ANKRD13A: variants seen among roughly 807,000 people sequenced by gnomAD.
ANKRD13A encodes the protein ankyrin repeat domain-containing protein 13A.
In ANKRD13A, 48 loss-of-function variants were observed where a neutral mutation model predicts 81.3. The observed-to-expected ratio is 0.59, with a 90% CI of 0.47 to 0.75. ANKRD13A has a LOEUF of 0.75. Among genes scored for constraint, ANKRD13A ranks in the 30% least tolerant of loss-of-function variants. The pLI is 0.00. For synonymous variants in ANKRD13A, 230 were observed against 270.1 expected, an observed-to-expected ratio of 0.85 and a Z score of 1.45; for missense variants, 612 against 734.0, an observed-to-expected ratio of 0.83 and a Z score of 1.92.
intron 9 of ANKRD13A, 63 bp from the exon 10 acceptor site, chr12:110,028,449 C>A (rs1293366183): frequency 1.3e-6 from 2 of 1,596,898 alleles, no homozygotes; most frequent in Non-Finnish European, 1.7e-6. Context: ...CACTGAGTGC[C>A]ACAGGCCTTC....
chr12:110,018,360 G>C lies in ANKRD13A; in HGVS notation c.416G>C (p.Arg139Thr). ...EFTSWVPLVS[R>T]ICPNDVCRIW... ...TCTCCTCCAGTGCCCTTGGTTTCTA[G>C]AATATGCCCAAATGATGTCTGTCGC... is the stretch of plus-strand genomic sequence containing the variant. Residue 139 changes from arginine to threonine, a missense_variant, in exon 5 of 15, where the codon AGA becomes ACA. By Grantham distance (71) the Arg-to-Thr change is moderately conservative. Coordinates refer to ENST00000261739, the MANE Select transcript of ANKRD13A (RefSeq NM_033121.2). The surrounding 1 kb of genome is among the most constrained non-coding windows in gnomAD (Gnocchi z 4.4). 1 of 1,614,050 alleles carries C rather than the reference G, an allele frequency of 6.2e-7. No individual in the cohort carries two copies.
chr12:110,021,820 T>G (rs1360870620), intron 6 of ANKRD13A: 1 of 152,222 alleles, frequency 6.6e-6, no homozygotes, highest in Non-Finnish European at 1.5e-5. Flanking sequence ...TGATGAATTT[T>G]TGGCCTGCAG....
At position 110,013,170 on chromosome 12, in the gene ANKRD13A, C is replaced by T. The variant is rs1265970273; in HGVS notation, c.275C>T (p.Thr92Ile). 34 of 1,614,178 alleles carry T rather than the reference C, an allele frequency of 2.1e-5. No individual in the cohort carries two copies. The highest frequency in any genetic ancestry group is 1.9e-5 in the Non-Finnish European group (22 of 1,180,000). Residue 92 changes from threonine (T) to isoleucine (I), a missense_variant, in exon 3 of 15, where the codon ACA becomes ATA. By Grantham distance (89) the Thr-to-Ile change is moderately conservative. Coordinates refer to ENST00000261739, the MANE Select transcript of ANKRD13A (RefSeq NM_033121.2). The stretch of plus-strand genomic sequence containing the variant: ...ACTGGCGATCCTGAGATGGTGTACA[C>T]AGTTCTCCAACATCGAGACTACCAC... ...VSTGDPEMVY[T>I]VLQHRDYHNT...
Position 110,025,807 on chromosome 12 carries a change from A to G in ANKRD13A, c.867A>G (p.Glu289=). The change falls in exon 8 of 15, where the codon GAA becomes GAG. Residue 289 remains glutamate (E), a synonymous_variant. Coordinates refer to ENST00000261739, the MANE Select transcript of ANKRD13A (RefSeq NM_033121.2). ...KIRTEHLTEE[E]KKRYKADRNP... ...GCACAGAACATCTGACCGAGGAGGAAAAAAAGAGATATAAAGGTAATCACC... is the reference window on the plus strand; with the variant it reads ...GCACAGAACATCTGACCGAGGAGGAGAAAAAGAGATATAAAGGTAATCACC... The G allele has an allele frequency of 6.2e-7, 1 of 1,613,888 alleles. No individual in the cohort carries two copies. The highest frequency in any genetic ancestry group is 2.2e-5 in the East Asian group (1 of 44,866).
intron 4 of ANKRD13A, among the ~76,000 whole-genome samples, chr12:110,017,025 T>C (rs1270037980): frequency 1.3e-5 from 2 of 151,852 alleles, no homozygotes; most frequent in African/African-American, 4.8e-5. Context: ...CCACCCACCC[T>C]AGCCCCCCAA....
intron 8 of ANKRD13A, among the ~76,000 whole-genome samples, chr12:110,026,835 T>A (rs1477482713): frequency 6.6e-6 from 1 of 152,068 alleles, no homozygotes; most frequent in African/African-American, 2.4e-5. Flanking sequence ...TGAGCCAAGA[T>A]TGTCCCACTG....
chr12:110,035,923 C>A (rs951536198), intron 13 of ANKRD13A, among the ~76,000 whole-genome samples: 2 of 152,126 alleles, frequency 1.3e-5, no homozygotes, highest in African/African-American at 4.8e-5. Context: ...TCTAAAAAAA[C>A]AAAAACCTGC....
At position 109,999,957 on chromosome 12, in the gene ANKRD13A, G is replaced by A. The variant is rs146349612; in HGVS notation, c.96+173G>A. Among the ~76,000 whole-genome samples the A allele has an allele frequency of 2.6e-4, 39 of 152,320 alleles. No homozygotes were observed. The highest frequency in any genetic ancestry group is 8.4e-4 in the African/African-American group (35 of 41,584). On this transcript the variant is annotated intron_variant, in intron 1 of 14. Transcript: ENST00000261739. The surrounding 1 kb of genome is among the most constrained non-coding windows in gnomAD (Gnocchi z 4.3). ...GACACGTATCGAGTGCTTACCGTGC[G>A]ACGGGCTTTTTAAATATCTTCTCTC...
chr12:110,037,894 A>G lies in ANKRD13A; in HGVS notation c.*340A>G, dbSNP rs771037244. ...GCAGGTTTGTAGATAAATTTTTATCAAGGAGTGATAACAAGACAAGTTATT... is the reference window on the plus strand; with the variant it reads ...GCAGGTTTGTAGATAAATTTTTATCGAGGAGTGATAACAAGACAAGTTATT... On this transcript the variant is annotated 3_prime_UTR_variant, in exon 15 of 15. Transcript: ENST00000261739. The G allele has an allele frequency of 1.1e-4, 21 of 185,042 alleles. No individual in the cohort carries two copies. The highest frequency in any genetic ancestry group is 1.7e-4 in the Non-Finnish European group (15 of 88,298). 11.5% of individuals were successfully genotyped at this position (185,042 alleles called of 1,614,324 possible).
intron 6 of ANKRD13A, among the ~76,000 whole-genome samples, chr12:110,020,193 C>T (rs935298079): frequency 3.9e-5 from 6 of 152,148 alleles, no homozygotes; most frequent in East Asian, 1.9e-4. Flanking sequence ...AGAAAATGGA[C>T]GCTATTATCC....
chr12:110,029,369 G>A, intron 10 of ANKRD13A, 109 bp from the exon 11 acceptor site: 1 of 1,179,676 alleles, frequency 8.5e-7, no homozygotes, highest in Non-Finnish European at 1.2e-6. Context: ...AGAGATGACT[G>A]GGCAGAGTGT....
intron 8 of ANKRD13A, among the ~76,000 whole-genome samples, chr12:110,026,756 C>T (rs374404529): frequency 7.0e-4 from 106 of 151,092 alleles, no homozygotes; most frequent in African/African-American, 2.5e-3. Context: ...GTGGCGCACT[C>T]CTGTAGTCTC....
Position 110,036,389 on chromosome 12 carries a change from G to A in ANKRD13A, c.1577+61G>A. 6.6e-7 allele frequency: 1 copy of A among 1,524,590 alleles called. No individual in the cohort carries two copies. Among genetic ancestry groups the A allele is most frequent in the Non-Finnish European group, 9.1e-7 (1 of 1,099,206 alleles). 94.4% of individuals were successfully genotyped at this position (1,524,590 alleles called of 1,614,324 possible). ...TGAACACAGGCCTGGACACAGGCGAGCAGACGCGTGGCACTGTGCATTTGG... is the reference window on the plus strand; with the variant it reads ...TGAACACAGGCCTGGACACAGGCGAACAGACGCGTGGCACTGTGCATTTGG... On this transcript the variant is annotated intron_variant, in intron 14 of 14. Transcript: ENST00000261739. The surrounding 1 kb of genome is among the most constrained non-coding windows in gnomAD (Gnocchi z 4.6).
Position 110,039,263 on chromosome 12 carries a change from T to C in ANKRD13A, c.*1709T>C, listed in dbSNP as rs745908378. 1.3e-5 allele frequency: 2 copies of C among 152,210 alleles called. No homozygotes were observed. Among genetic ancestry groups the C allele is most frequent in the African/African-American group, 2.4e-5 (1 of 41,440 alleles). The allele number at this position is 152,210 out of a possible 1,614,324, so 9.4% of individuals were successfully genotyped here. A position where few individuals can be genotyped will look rare whatever the true frequency, so the allele number is the denominator to read the frequency against. On this transcript the variant is annotated 3_prime_UTR_variant, in exon 15 of 15. Coordinates refer to ENST00000261739, the MANE Select transcript of ANKRD13A (RefSeq NM_033121.2). The stretch of plus-strand genomic sequence containing the variant: ...TCACAAAAGTGACTCATAGGTAATT[T>C]CTGTGTTTGCATTCCACTGCTCTGC...
chr12:110,013,162 G>A lies in ANKRD13A; in HGVS notation c.267G>A (p.Met89Ile), dbSNP rs1422330861. The A allele has an allele frequency of 6.2e-7, 1 of 1,614,098 alleles. No individual in the cohort carries two copies. The highest frequency in any genetic ancestry group is 8.5e-7 in the Non-Finnish European group (1 of 1,180,012). ...HEAVSTGDPE[M>I]VYTVLQHRDY... Reference sequence around the variant, plus strand: ...CTGTGAGCACTGGCGATCCTGAGATGGTGTACACAGTTCTCCAACATCGAG... The same window carrying A: ...CTGTGAGCACTGGCGATCCTGAGATAGTGTACACAGTTCTCCAACATCGAG... Residue 89 changes from methionine (M) to isoleucine (I), a missense_variant, in exon 3 of 15, where the codon ATG (methionine) becomes ATA (isoleucine). By Grantham distance (10) the Met-to-Ile change is conservative. Coordinates refer to ENST00000261739, the MANE Select transcript of ANKRD13A (RefSeq NM_033121.2).
chr12:110,025,170 A>G (rs1891253685), intron 7 of ANKRD13A, among the ~76,000 whole-genome samples: 1 of 152,200 alleles, frequency 6.6e-6, no homozygotes, highest in Admixed American at 6.5e-5. Context: ...AGCCTGGCCA[A>G]CATGGTGAAA....
chr12:110,029,560 C>G lies in ANKRD13A; in HGVS notation c.1159C>G (p.Arg387Gly), dbSNP rs373804069. 3 of 1,613,948 alleles carry G rather than the reference C, an allele frequency of 1.9e-6. No individual in the cohort carries two copies. The highest frequency in any genetic ancestry group is 2.5e-6 in the Non-Finnish European group (3 of 1,179,972). ...QVIPIIDLMA[R>G]TSAHFARLRD... Reference sequence around the variant, plus strand: ...CATTCCCATCATTGACCTAATGGCTCGAACGAGTGCTCATTTTGCAAGACT... The same window carrying G: ...CATTCCCATCATTGACCTAATGGCTGGAACGAGTGCTCATTTTGCAAGACT... Residue 387 changes from arginine to glycine, a missense_variant, in exon 11 of 15, where the codon CGA (arginine) becomes GGA (glycine). Coordinates refer to ENST00000261739, the MANE Select transcript of ANKRD13A (RefSeq NM_033121.2).
chr12:110,011,274 G>T (rs569927137), intron 1 of ANKRD13A, among the ~76,000 whole-genome samples: 2 of 152,336 alleles, frequency 1.3e-5, no homozygotes, highest in South Asian at 4.1e-4. Context: ...GTGCCAAAAG[G>T]GGGGCGAGAG....
At chr12:110,033,055 CTTTTTTT>C (rs1195852066) in intron 12 of ANKRD13A, among the ~76,000 whole-genome samples, 4 of 130,478 alleles carry the variant, frequency 3.1e-5, no homozygotes, top group African/African-American at 8.5e-5. Context: ...TTTTCTTTTT[CTTTTTTT>C]TTTTTTTTTT....
Sources: allele counts gnomAD v4.1 joint callset (sites outside exome capture counted in the v4.1 genomes callset), GRCh38; gene constraint gnomAD v4.1.1; non-coding constraint Gnocchi (gnomAD v3.1); transcripts MANE v1.5; gene names NCBI Gene and HGNC (gene_info 2026-07-23, HGNC 2026-07-21).